SLC27A6: variants seen among roughly 807,000 people sequenced by gnomAD.
SLC27A6 encodes the protein solute carrier family 27 member 6.
SLC27A6 carries 74 observed loss-of-function variants against 63.9 expected under a neutral mutation model. The observed-to-expected ratio is 1.16, with a 90% CI of 0.96 to 1.40. The LOEUF is 1.40. Ranked by LOEUF, SLC27A6 falls within the 40% of genes most tolerant of loss-of-function variation. SLC27A6 has a pLI of 0.00. For synonymous variants in SLC27A6, 287 were observed against 260.8 expected, an observed-to-expected ratio of 1.10 and a Z score of -0.97; for missense variants, 794 against 732.9, an observed-to-expected ratio of 1.08 and a Z score of -0.96.
chr5:129,022,084 T>C (rs1752093067), intron 5 of SLC27A6, among the ~76,000 whole-genome samples: 4 of 152,326 alleles, frequency 2.6e-5, no homozygotes, highest in African/African-American at 9.6e-5. Flanking sequence ...GGACTCTTTC[T>C]TTCTACTAGC....
At chr5:128,968,886 A>G (rs995689511) in intron 1 of SLC27A6, among the ~76,000 whole-genome samples, 7 of 152,188 alleles carry the variant, frequency 4.6e-5, no homozygotes, top group Non-Finnish European at 1.0e-4. Context: ...CTATGGTTCT[A>G]ATGGTTTTAG....
chr5:129,027,303 T>C lies in SLC27A6; in HGVS notation c.1426T>C (p.Phe476Leu). 1 of 1,612,758 alleles carries C rather than the reference T, an allele frequency of 6.2e-7. No individual in the cohort carries two copies. Among genetic ancestry groups the C allele is most frequent in the Non-Finnish European group, 8.5e-7 (1 of 1,179,060 alleles). Residue 476 changes from phenylalanine to leucine, a missense_variant, in exon 7 of 10, where the codon TTT becomes CTT. Transcript: ENST00000262462. Reference protein sequence around the residue: ...IVQDQDNFLYFWDRTGDTFRW... With the variant: ...IVQDQDNFLYLWDRTGDTFRW... ...CCAGGATCAGGACAATTTCCTTTAT[T>C]TTTGGGACCGTACTGGAGACACTTT...
At chr5:128,981,202 G>A (rs749456122) in intron 1 of SLC27A6, among the ~76,000 whole-genome samples, 4 of 152,232 alleles carry the variant, frequency 2.6e-5, no homozygotes, top group South Asian at 2.1e-4. Flanking sequence ...CTGTCTGGCT[G>A]GGCGTGGTGG....
At chr5:128,967,393 G>A (rs1749946082) in intron 1 of SLC27A6, among the ~76,000 whole-genome samples, 1 of 152,150 alleles carries the variant, frequency 6.6e-6, no homozygotes. Flanking sequence ...TACTTATTTG[G>A]TGTAATCTAA....
chr5:129,018,514 A>T (rs985912679), intron 5 of SLC27A6, among the ~76,000 whole-genome samples: 2 of 152,112 alleles, frequency 1.3e-5, no homozygotes, highest in Non-Finnish European at 2.9e-5. Flanking sequence ...TATAGTTGAC[A>T]TCTAAGAAAT....
intron 2 of SLC27A6, among the ~76,000 whole-genome samples, chr5:128,986,921 A>G (rs553410548): frequency 6.6e-6 from 1 of 152,292 alleles, no homozygotes; most frequent in Admixed American, 6.5e-5. Context: ...GAAATTGGGT[A>G]CCAGGTACCT....
Position 128,988,652 on chromosome 5 carries a change from T to C in SLC27A6, c.738T>C (p.Ala246=). ...AGCTGCAGGTTTTAAGGGGTTCTGC[T>C]GTCCTGTGGGCTTTTGGTTGTACTG... The part of the protein sequence containing the change: ...ISQLQVLRGS[A]VLWAFGCTAH... The change falls in exon 3 of 10, where the codon GCT becomes GCC. Residue 246 remains alanine, a synonymous_variant. Transcript: ENST00000262462. The C allele has an allele frequency of 6.2e-7, 1 of 1,614,116 alleles. No individual in the cohort carries two copies. Among genetic ancestry groups the C allele is most frequent in the South Asian group, 1.1e-5 (1 of 91,086 alleles).
At chr5:128,984,541 C>T (rs556475270) in intron 1 of SLC27A6, among the ~76,000 whole-genome samples, 45 of 152,302 alleles carry the variant, frequency 3.0e-4, no homozygotes, top group African/African-American at 1.0e-3. Flanking sequence ...TGCCAATCAC[C>T]CAAACTGTGA....
Position 129,033,496 on chromosome 5 carries a change from C to G in SLC27A6, c.*214C>G, listed in dbSNP as rs2150158469. ...TATTCTTTTTATCTATTTGGAGATT[C>G]AGTGCATAACTAAGTATTTTCCTTA... On this transcript the variant is annotated 3_prime_UTR_variant, in exon 10 of 10. Coordinates refer to ENST00000262462, the MANE Select transcript of SLC27A6 (RefSeq NM_001017372.3). The G allele has an allele frequency of 3.9e-6, 1 of 254,780 alleles. No individual in the cohort carries two copies. The highest frequency in any genetic ancestry group is 2.2e-5 in the African/African-American group (1 of 44,812). 15.8% of individuals were successfully genotyped at this position (254,780 alleles called of 1,614,324 possible). A position where few individuals can be genotyped will look rare whatever the true frequency, so the allele number is the denominator to read the frequency against.
chr5:129,027,854 T>G (rs1752293609), intron 7 of SLC27A6, among the ~76,000 whole-genome samples: 1 of 152,092 alleles, frequency 6.6e-6, no homozygotes, highest in Non-Finnish European at 1.5e-5. Context: ...TTATTTCAAT[T>G]AAAACAAAAT....
At chr5:128,979,908 T>G (rs1363527099) in intron 1 of SLC27A6, among the ~76,000 whole-genome samples, 1 of 152,076 alleles carries the variant, frequency 6.6e-6, no homozygotes, top group Non-Finnish European at 1.5e-5. Context: ...TATTCATGAG[T>G]TTTGTATTTC....
chr5:129,032,035 T>A (rs1752432907), intron 9 of SLC27A6, among the ~76,000 whole-genome samples: 1 of 151,932 alleles, frequency 6.6e-6, no homozygotes. Flanking sequence ...TCATCTCACT[T>A]AAACAGACTG....
intron 4 of SLC27A6, among the ~76,000 whole-genome samples, chr5:129,002,552 T>C (rs1035197326): frequency 6.9e-6 from 1 of 144,172 alleles, no homozygotes; most frequent in Non-Finnish European, 1.5e-5. Flanking sequence ...CTCCCTCCCT[T>C]CCTTTCTTCC....
At chr5:128,986,185 G>A (rs10040181) in intron 2 of SLC27A6, among the ~76,000 whole-genome samples, 37,655 of 152,010 alleles carry the variant, frequency 0.25, 5,270 homozygotes, top group Non-Finnish European at 0.31. Context: ...GTGGTGGCAT[G>A]CACCTGTAGT....
At chr5:128,999,030 A>G (rs1399558752) in intron 4 of SLC27A6, among the ~76,000 whole-genome samples, 1 of 152,156 alleles carries the variant, frequency 6.6e-6, no homozygotes, top group East Asian at 1.9e-4. Flanking sequence ...GGGGAGCCTG[A>G]AATTTAAGCC....
chr5:128,987,959 A>T (rs1580713862), intron 2 of SLC27A6, among the ~76,000 whole-genome samples: 1 of 152,192 alleles, frequency 6.6e-6, no homozygotes, highest in East Asian at 1.9e-4. Flanking sequence ...AGCGAAATGG[A>T]TAGATGAGAC....
At chr5:129,027,859 CA>C (rs1752293774) in intron 7 of SLC27A6, among the ~76,000 whole-genome samples, 1 of 151,756 alleles carries the variant, frequency 6.6e-6, no homozygotes. Context: ...TCAATTAAAA[CA>C]AAATATTCAT....
In SLC27A6 at chr5:129,025,950, C is replaced by T. The variant is rs184926370; in HGVS notation, c.1256-1183C>T. 4.8e-3 allele frequency among the ~76,000 whole-genome samples: 731 copies of T among 152,146 alleles called. 1 individual carries two copies. The highest frequency in any genetic ancestry group is 7.7e-3 in the Non-Finnish European group (522 of 68,000). On this transcript the variant is annotated intron_variant, in intron 6 of 9. Coordinates refer to ENST00000262462, the MANE Select transcript of SLC27A6 (RefSeq NM_001017372.3). ...CAAGAGTTCTAGATCAGCTGGGCAACCTGGTGAGACCTCGTGTCTACAAAA... is the reference window on the plus strand; with the variant it reads ...CAAGAGTTCTAGATCAGCTGGGCAATCTGGTGAGACCTCGTGTCTACAAAA...
Position 129,010,623 on chromosome 5 carries a change from A to G in SLC27A6, c.970-5262A>G, listed in dbSNP as rs1294743649. Among the ~76,000 whole-genome samples the G allele has an allele frequency of 3.3e-5, 5 of 152,194 alleles. No individual in the cohort carries two copies. The South Asian group carries it at 8.3e-4, about 25-fold the overall frequency. ...GTGGAAGAACTGGAGAGAGGCCTCT[A>G]TGATCTAAGAGCAGCCCCCAGCTGA... is the stretch of plus-strand genomic sequence containing the variant. On this transcript the variant is annotated intron_variant, in intron 4 of 9. Transcript: ENST00000262462.
Sources: allele counts gnomAD v4.1 joint callset (sites outside exome capture counted in the v4.1 genomes callset), GRCh38; gene constraint gnomAD v4.1.1; transcripts MANE v1.5; gene names NCBI Gene and HGNC (gene_info 2026-07-23, HGNC 2026-07-21).